PNPO: variants seen among roughly 807,000 people sequenced by gnomAD.
PNPO encodes the protein pyridoxine-5'-phosphate oxidase.
In PNPO, 39 loss-of-function variants were observed where a neutral mutation model predicts 35.0. The ratio of observed to expected loss-of-function variants is 1.11; its 90% confidence interval spans 0.86 to 1.45. PNPO has a LOEUF of 1.45. PNPO is among the 40% of genes most tolerant of loss of function. The pLI, the probability that PNPO is intolerant of heterozygous loss-of-function variation, is 0.00. For missense variants in PNPO, 288 were observed against 340.0 expected, an observed-to-expected ratio of 0.85 and a Z score of 1.20; for synonymous variants, 115 against 119.8, an observed-to-expected ratio of 0.96 and a Z score of 0.26.
intron 1 of PNPO, chr17:47,942,240 G>A (rs74683156): frequency 0.015 from 2,357 of 160,644 alleles, 32 homozygotes; most frequent in Non-Finnish European, 0.023. Flanking sequence ...CCCACAGCTA[G>A]TGATGAATGA....
In PNPO at chr17:47,946,665, C is replaced by A. The variant is rs745351219; in HGVS notation, c.669C>A (p.Thr223=). ...PQVMEFWQGQ[T]NRLHDRIVFR... ...TGATGGAGTTCTGGCAAGGTCAAAC[C>A]AACCGCCTGCATGACCGGATAGTCT... The change falls in exon 7 of 7, where the codon ACC becomes ACA. Residue 223 remains threonine, a synonymous_variant. Coordinates refer to ENST00000642017, the MANE Select transcript of PNPO (RefSeq NM_018129.4). 2 of 1,614,208 alleles carry A rather than the reference C, an allele frequency of 1.2e-6. No individual in the cohort carries two copies. The highest frequency in any genetic ancestry group is 2.2e-5 in the South Asian group (2 of 91,086).
At position 47,941,822 on chromosome 17, in the gene PNPO, G is replaced by T. The variant is rs746859243; in HGVS notation, c.138+9G>T. On this transcript the variant is annotated intron_variant, in intron 1 of 6. Coordinates refer to ENST00000642017, the MANE Select transcript of PNPO (RefSeq NM_018129.4). ...ACCGCGGGGACCGAGAGGTGCCGCC[G>T]CTAGGGCCAGGCCTCCTGCAGGGGC... 2 of 1,562,112 alleles carry T rather than the reference G, an allele frequency of 1.3e-6. No homozygotes were observed. Among genetic ancestry groups the T allele is most frequent in the East Asian group, 2.4e-5 (1 of 42,192 alleles).
intron 6 of PNPO, 27 bp from the exon 7 acceptor site, chr17:47,946,587 C>A: frequency 6.2e-7 from 1 of 1,611,894 alleles, no homozygotes; most frequent in Non-Finnish European, 8.5e-7. Context: ...CTCCACAGAG[C>A]ACTGAAACCT....
rs1048271659 is a variant in PNPO at position 47,945,427 on chromosome 17, T to A, written c.364-132T>A. On this transcript the variant is annotated intron_variant, in intron 3 of 6. Coordinates refer to ENST00000642017, the MANE Select transcript of PNPO (RefSeq NM_018129.4). This position sits in a 1 kb window ranked among gnomAD's most constrained non-coding sequence, Gnocchi z 4.0. ...GTGACAATAGGCCTACTTTTGAGGGTTTAAATGAGCTCTTACGGTGGGTGC... is the reference window on the plus strand; with the variant it reads ...GTGACAATAGGCCTACTTTTGAGGGATTAAATGAGCTCTTACGGTGGGTGC... 5.1e-6 allele frequency: 4 copies of A among 778,484 alleles called. No individual in the cohort carries two copies. The highest frequency in any genetic ancestry group is 7.0e-6 in the Non-Finnish European group (3 of 429,364). The allele number at this position is 778,484 out of a possible 1,614,324, so 48.2% of individuals were successfully genotyped here. A position where few individuals can be genotyped will look rare whatever the true frequency, so the allele number is the denominator to read the frequency against.
chr17:47,943,297 CT>C lies in PNPO; in HGVS notation c.139-6del. 6.2e-7 allele frequency: 1 copy of C among 1,611,246 alleles called. No individual in the cohort carries two copies. Among genetic ancestry groups the C allele is most frequent in the African/African-American group, 1.3e-5 (1 of 74,996 alleles). ...ATGTTTATTAAATGAAATAAATCTCCTTTCCTAGGCATTTGAGGAGACTCAT... is the reference window on the plus strand; with the variant it reads ...ATGTTTATTAAATGAAATAAATCTCCTTCCTAGGCATTTGAGGAGACTCAT... On this transcript the variant is annotated splice_region_variant and splice_polypyrimidine_tract_variant and intron_variant, in intron 1 of 6. Transcript: ENST00000642017.
Position 47,946,310 on chromosome 17 carries a change from T to TC in PNPO, c.547-8dup, listed in dbSNP as rs1403281277. On this transcript the variant is annotated splice_polypyrimidine_tract_variant and intron_variant, in intron 5 of 6. Transcript: ENST00000642017. ...TGGGCCTGGCCCTTCTTCTAACTCT[T>TC]CCCCCTGGACAGTATCTGAGAAAGA... The TC allele has an allele frequency of 1.9e-6, 3 of 1,598,534 alleles. No homozygotes were observed. Among genetic ancestry groups the TC allele is most frequent in the Admixed American group, 1.7e-5 (1 of 59,966 alleles).
At chr17:47,946,543 G>C in intron 6 of PNPO, 71 bp from the exon 7 acceptor site, 1 of 1,536,280 alleles carries the variant, frequency 6.5e-7, no homozygotes, top group Non-Finnish European at 9.0e-7. Context: ...CCTGGGATGA[G>C]GGGTGAGGGT....
Position 47,945,396 on chromosome 17 carries a change from G to T in PNPO, c.364-163G>T. On this transcript the variant is annotated intron_variant, in intron 3 of 6. Coordinates refer to ENST00000642017, the MANE Select transcript of PNPO (RefSeq NM_018129.4). The surrounding 1 kb of genome is among the most constrained non-coding windows in gnomAD (Gnocchi z 4.0). ...TGGGCACGTGACTTAGCCTGTCTCT[G>T]TGTCTGTGACAATAGGCCTACTTTT... The T allele has an allele frequency of 8.7e-6, 6 of 689,470 alleles. No homozygotes were observed. Among genetic ancestry groups the T allele is most frequent in the Non-Finnish European group, 8.0e-6 (3 of 375,128 alleles). The allele number at this position is 689,470 out of a possible 1,614,324, so 42.7% of individuals were successfully genotyped here.
intron 6 of PNPO, 62 bp from the exon 7 acceptor site, chr17:47,946,552 G>A: frequency 6.4e-7 from 1 of 1,560,428 alleles, no homozygotes; most frequent in Non-Finnish European, 8.8e-7. Flanking sequence ...AGGGGTGAGG[G>A]TGGGAGAGTG....
Position 47,941,766 on chromosome 17 carries a change from G to A in PNPO, c.91G>A (p.Ala31Thr). The change falls in exon 1 of 7, where the codon GCC becomes ACC. Residue 31 changes from alanine to threonine, a missense_variant. Transcript: ENST00000642017. The stretch of plus-strand genomic sequence containing the variant: ...CAGTCACCTGTGTGGTCGCAGTGCT[G>A]CCATGGACCTGGGACCCATGCGCAA... ...YLSHLCGRSA[A>T]MDLGPMRKSY... The A allele has an allele frequency of 6.4e-7, 1 of 1,565,598 alleles. No homozygotes were observed. Among genetic ancestry groups the A allele is most frequent in the African/African-American group, 1.4e-5 (1 of 73,882 alleles).
In PNPO at chr17:47,946,306, C is replaced by G. The variant is rs750566159; in HGVS notation, c.547-17C>G. The G allele has an allele frequency of 5.0e-6, 8 of 1,591,588 alleles. No homozygotes were observed. Among genetic ancestry groups the G allele is most frequent in the Admixed American group, 5.0e-5 (3 of 59,996 alleles). ...TGACTGGGCCTGGCCCTTCTTCTAA[C>G]TCTTCCCCCTGGACAGTATCTGAGA... On this transcript the variant is annotated splice_polypyrimidine_tract_variant and intron_variant, in intron 5 of 6. Transcript: ENST00000642017.
chr17:47,943,690 C>T (rs1260228826), intron 2 of PNPO, among the ~76,000 whole-genome samples: 2 of 152,322 alleles, frequency 1.3e-5, no homozygotes, highest in East Asian at 1.9e-4. Context: ...AACCCCTTGC[C>T]TCCCTCATCT....
chr17:47,944,475 G>A (rs913117135), intron 2 of PNPO, 141 bp from the exon 3 acceptor site: 10 of 770,928 alleles, frequency 1.3e-5, no homozygotes, highest in South Asian at 5.4e-5. Context: ...AAATCCCCAG[G>A]AGCACATGGG....
Position 47,946,377 on chromosome 17 carries a change from C to T in PNPO, c.601C>T (p.Pro201Ser). The part of the protein sequence containing the change: ...LEQLYQDQEV[P>S]KPKSWGGYVL... The stretch of plus-strand genomic sequence containing the variant: ...ACAGCTCTACCAGGATCAAGAGGTG[C>T]CCAAGCCAAAATCCTGGTGAGTGAC... The change falls in exon 6 of 7, where the codon CCC becomes TCC. Residue 201 changes from proline (P) to serine (S), a missense_variant. Coordinates refer to ENST00000642017, the MANE Select transcript of PNPO (RefSeq NM_018129.4). 5.0e-6 allele frequency: 8 copies of T among 1,612,890 alleles called. No individual in the cohort carries two copies. Among genetic ancestry groups the T allele is most frequent in the Non-Finnish European group, 5.9e-6 (7 of 1,178,900 alleles).
intron 5 of PNPO, 47 bp from the exon 6 acceptor site, chr17:47,946,276 A>G (rs2036007220): frequency 7.1e-7 from 1 of 1,405,750 alleles, no homozygotes; most frequent in Non-Finnish European, 1.0e-6. Flanking sequence ...TTGTTAATGA[A>G]TCATTGACTG....
Position 47,943,422 on chromosome 17 carries a change from C to T in PNPO, c.255C>T (p.Thr85=), listed in dbSNP as rs1331436927. The change falls in exon 2 of 7, where the codon ACC becomes ACT. Residue 85 remains threonine (T), a synonymous_variant. Transcript: ENST00000642017. ...AAGCCAATGCCATGTGTCTGGCTAC[C>T]TGCACCAGGTGGGCATGGCTGTGGG... The part of the protein sequence containing the change: ...IGEANAMCLA[T]CTRDGKPSAR... 1.2e-6 allele frequency: 2 copies of T among 1,613,670 alleles called. No homozygotes were observed. The highest frequency in any genetic ancestry group is 1.7e-5 in the Admixed American group (1 of 60,008).
chr17:47,945,712 C>T lies in PNPO; in HGVS notation c.417+100C>T. 7.0e-7 allele frequency: 1 copy of T among 1,437,472 alleles called. No homozygotes were observed. The highest frequency in any genetic ancestry group is 9.8e-7 in the Non-Finnish European group (1 of 1,020,748). The allele number at this position is 1,437,472 out of a possible 1,614,324, so 89.0% of individuals were successfully genotyped here. On this transcript the variant is annotated intron_variant, in intron 4 of 6. Coordinates refer to ENST00000642017, the MANE Select transcript of PNPO (RefSeq NM_018129.4). The surrounding 1 kb of genome is among the most constrained non-coding windows in gnomAD (Gnocchi z 4.0). ...AGGTCCCCAGACTGGGCAAACATCC[C>T]AGCTGGGCACTCTGCCTCTAAAATA...
chr17:47,947,826 G>A lies in PNPO; in HGVS notation c.*1044G>A, dbSNP rs1205555481. 2.6e-5 allele frequency: 4 copies of A among 152,002 alleles called. No homozygotes were observed. Among genetic ancestry groups the A allele is most frequent in the South Asian group, 2.1e-4 (1 of 4,822 alleles). 9.4% of individuals were successfully genotyped at this position (152,002 alleles called of 1,614,324 possible). A position where few individuals can be genotyped will look rare whatever the true frequency, so the allele number is the denominator to read the frequency against. On this transcript the variant is annotated 3_prime_UTR_variant, in exon 7 of 7. Transcript: ENST00000642017. ...ACAGGCATGAGCCACCACACCCAGC[G>A]AGACGGGGTTTCATTATGTTGGCCA...
intron 1 of PNPO, 145 bp downstream of exon 1, chr17:47,941,958 G>A: frequency 7.4e-7 from 1 of 1,356,024 alleles, no homozygotes; most frequent in Non-Finnish European, 9.5e-7. Context: ...ATCACCCCCC[G>A]TGGGAAAAGG....
Sources: gnomAD v4.1 joint callset for allele counts (sites outside exome capture counted in the v4.1 genomes callset) on GRCh38, gnomAD v4.1.1 for gene constraint, Gnocchi (gnomAD v3.1) non-coding constraint, MANE v1.5 for transcripts, NCBI Gene and HGNC (gene_info 2026-07-23, HGNC 2026-07-21) for gene names.